The following KDM4B variants were observed in gnomAD, a reference collection of about 807,000 sequenced individuals.
The protein encoded by KDM4B is lysine-specific demethylase 4B.
Under a neutral mutation model 125.2 loss-of-function variants are expected in KDM4B, and 32 were observed. That is an observed-to-expected ratio of 0.26 (90% CI 0.19 to 0.34). The LOEUF (loss-of-function observed/expected upper bound fraction) is 0.34. Among genes scored for constraint, KDM4B ranks in the 10% least tolerant of loss-of-function variants. The pLI, the probability that KDM4B is intolerant of heterozygous loss-of-function variation, is 1.00. For missense variants in KDM4B, 1,190 were observed against 1,577.7 expected (o/e 0.75, Z 4.16); for synonymous variants, 721 against 677.9 (o/e 1.06, Z -0.99).
chr19:5,048,875 C>T (rs957013759), intron 6 of KDM4B, among the ~76,000 whole-genome samples: 4 of 152,138 alleles, frequency 2.6e-5, no homozygotes, highest in Non-Finnish European at 4.4e-5. Flanking sequence ...GGCGAGCAGC[C>T]GGCAAGGAGG....
chr19:5,110,214 T>G (rs2039113495), intron 9 of KDM4B, among the ~76,000 whole-genome samples: 1 of 152,194 alleles, frequency 6.6e-6, no homozygotes, highest in Non-Finnish European at 1.5e-5. Context: ...TGCACACCTG[T>G]AATCCCAGGG....
rs2038285848 is a variant in KDM4B, at chr19:5,081,267, G to A, written c.781-1100G>A. Among the ~76,000 whole-genome samples, 1 of 152,202 alleles carries A rather than the reference G, an allele frequency of 6.6e-6. No homozygotes were observed. Among genetic ancestry groups the A allele is most frequent in the Non-Finnish European group, 1.5e-5 (1 of 68,020 alleles). On this transcript the variant is annotated intron_variant, in intron 8 of 22. Transcript: ENST00000159111. This position sits in a 1 kb window ranked among gnomAD's most constrained non-coding sequence, Gnocchi z 4.2. ...CCCACCTCCTAGAAGCCCTTGGCCTGAGCCCCGGGGTGCAGCAGGTGGGAG... is the reference window on the plus strand; with the variant it reads ...CCCACCTCCTAGAAGCCCTTGGCCTAAGCCCCGGGGTGCAGCAGGTGGGAG...
intron 1 of KDM4B, among the ~76,000 whole-genome samples, chr19:4,984,534 C>A (rs1184367920): frequency 6.6e-6 from 1 of 152,160 alleles, no homozygotes; most frequent in Non-Finnish European, 1.5e-5. Flanking sequence ...GCAGCGTTGA[C>A]CCCAAGACCA....
At chr19:5,019,244 G>A (rs965461802) in intron 2 of KDM4B, among the ~76,000 whole-genome samples, 9 of 146,388 alleles carry the variant, frequency 6.1e-5, no homozygotes, top group African/African-American at 1.3e-4. Context: ...TGGTGTGCAC[G>A]TATTGGTGTG....
chr19:5,107,701 C>T (rs969889295), intron 9 of KDM4B, among the ~76,000 whole-genome samples: 4 of 152,276 alleles, frequency 2.6e-5, no homozygotes, highest in Admixed American at 1.3e-4. Flanking sequence ...GTTGGTGGCT[C>T]GCAGTGGGGG....
At chr19:5,009,220 C>A (rs1394369315) in intron 1 of KDM4B, among the ~76,000 whole-genome samples, 5 of 152,010 alleles carry the variant, frequency 3.3e-5, no homozygotes, top group African/African-American at 1.2e-4. Context: ...CGGCCTATTC[C>A]CTGCTTCCTT....
intron 1 of KDM4B, among the ~76,000 whole-genome samples, chr19:5,014,111 A>G (rs2035815769): frequency 6.6e-6 from 1 of 152,266 alleles, no homozygotes; most frequent in Non-Finnish European, 1.5e-5. Context: ...AGAAAATGTC[A>G]GAGCTCATTG....
intron 1 of KDM4B, among the ~76,000 whole-genome samples, chr19:4,977,634 A>C (rs1243785399): frequency 6.6e-6 from 1 of 152,166 alleles, no homozygotes; most frequent in East Asian, 1.9e-4. Flanking sequence ...CCGGCCGTGG[A>C]TTCAGAATCG....
Position 5,082,607 on chromosome 19 carries a change from C to G in KDM4B, c.918+103C>G. On this transcript the variant is annotated intron_variant, in intron 9 of 22. Coordinates refer to ENST00000159111, the MANE Select transcript of KDM4B (RefSeq NM_015015.3). The surrounding 1 kb of genome is among the most constrained non-coding windows in gnomAD (Gnocchi z 5.4). ...TAGCTGGTCCAGCAGCCGTTTCGCTCAGCCCAGGGCCTGGGCTCTCAACCA... is the reference window on the plus strand; with the variant it reads ...TAGCTGGTCCAGCAGCCGTTTCGCTGAGCCCAGGGCCTGGGCTCTCAACCA... 7.7e-7 allele frequency: 1 copy of G among 1,305,880 alleles called. No homozygotes were observed. The highest frequency in any genetic ancestry group is 1.5e-5 in the South Asian group (1 of 68,706). 80.9% of individuals were successfully genotyped at this position (1,305,880 alleles called of 1,614,324 possible).
At chr19:5,077,535 C>T (rs746993263) in intron 8 of KDM4B, 65 bp downstream of exon 8, 58 of 1,331,086 alleles carry the variant, frequency 4.4e-5, no homozygotes, top group African/African-American at 1.9e-4. Context: ...CCCAGGTGGC[C>T]GCACATACCC....
intron 11 of KDM4B, among the ~76,000 whole-genome samples, chr19:5,121,728 G>A (rs1415821765): frequency 3.3e-5 from 5 of 152,120 alleles, no homozygotes; most frequent in Non-Finnish European, 7.4e-5. Context: ...TGTTAGGAGA[G>A]CTCTTAAGCG....
chr19:5,089,289 T>C (rs922954315), intron 9 of KDM4B, among the ~76,000 whole-genome samples: 1 of 152,214 alleles, frequency 6.6e-6, no homozygotes, highest in Non-Finnish European at 1.5e-5. Flanking sequence ...GAAGGCCGTC[T>C]GCCATGGGTT....
At chr19:5,105,950 C>T (rs947487844) in intron 9 of KDM4B, among the ~76,000 whole-genome samples, 2 of 152,200 alleles carry the variant, frequency 1.3e-5, no homozygotes, top group African/African-American at 4.8e-5. Context: ...AGAGGATATG[C>T]CTTCTCAATA....
intron 2 of KDM4B, among the ~76,000 whole-genome samples, chr19:5,026,994 A>C (rs938897623): frequency 2.6e-5 from 4 of 152,226 alleles, no homozygotes; most frequent in Non-Finnish European, 5.9e-5. Context: ...GGCTCCAGCC[A>C]GCTCACACCA....
At position 5,138,086 on chromosome 19, in the gene KDM4B, C is replaced by G. The variant is rs768889952; in HGVS notation, c.2550+16C>G. 6.3e-7 allele frequency: 1 copy of G among 1,594,962 alleles called. No homozygotes were observed. On this transcript the variant is annotated intron_variant, in intron 18 of 22. Coordinates refer to ENST00000159111, the MANE Select transcript of KDM4B (RefSeq NM_015015.3). ...GTGGAAGCTGGTAGGTCCTTGCGGT[C>G]GAGGCCCACCCTGCCCGTGCCTCTA...
At chr19:5,050,219 T>C (rs1452499546) in intron 6 of KDM4B, among the ~76,000 whole-genome samples, 1 of 152,264 alleles carries the variant, frequency 6.6e-6, no homozygotes, top group African/African-American at 2.4e-5. Context: ...GTTGCTACTT[T>C]GGTAGCTTGA....
intron 7 of KDM4B, 104 bp downstream of exon 7, chr19:5,071,163 T>G: frequency 1.9e-6 from 2 of 1,028,530 alleles, no homozygotes; most frequent in East Asian, 2.5e-5. Context: ...GCGGTCTGGG[T>G]TTGGGTTTTG....
intron 5 of KDM4B, among the ~76,000 whole-genome samples, chr19:5,043,568 C>T (rs34446116): frequency 0.085 from 12,492 of 146,682 alleles, 662 homozygotes; most frequent in Middle Eastern, 0.13. Context: ...CCATCATATC[C>T]TGTGTGGTGT....
At chr19:5,138,362 T>C (rs971697951) in intron 18 of KDM4B, 11 of 422,202 alleles carry the variant, frequency 2.6e-5, no homozygotes, top group Non-Finnish European at 4.3e-5. Flanking sequence ...GAGCACCCCA[T>C]GCAGTTTCCA....
Sources: allele counts gnomAD v4.1 joint callset (sites outside exome capture counted in the v4.1 genomes callset), GRCh38; gene constraint gnomAD v4.1.1; non-coding constraint Gnocchi (gnomAD v3.1); transcripts MANE v1.5; gene names NCBI Gene and HGNC (gene_info 2026-07-23, HGNC 2026-07-21).